Variants in DRAM1 observed in about 807,000 individuals in gnomAD.
The protein encoded by DRAM1 is DNA damage regulated autophagy modulator 1.
A neutral mutation model predicts 28.5 loss-of-function variants in DRAM1; 25 were observed. The observed-to-expected ratio is 0.88, with a 90% confidence interval of 0.64 to 1.23. The LOEUF (loss-of-function observed/expected upper bound fraction) is 1.23. Ranked by LOEUF, DRAM1 falls within the 50% of genes most tolerant of loss-of-function variation. The probability of loss-of-function intolerance (pLI) is 0.00; values close to 1 mark genes in which losing one functional copy is unlikely to be tolerated. For missense variants in DRAM1, 249 were observed against 299.2 expected, an observed-to-expected ratio of 0.83 and a Z score of 1.24; for synonymous variants, 113 against 114.2, an observed-to-expected ratio of 0.99 and a Z score of 0.07.
intron 1 of DRAM1, among the ~76,000 whole-genome samples, chr12:101,881,141 G>A (rs893678121): frequency 5.3e-5 from 8 of 152,166 alleles, no homozygotes; most frequent in African/African-American, 1.9e-4. Flanking sequence ...TTAGCTGAGC[G>A]TGGTGGCACA....
Position 101,922,504 on chromosome 12 carries a change from A to G in DRAM1, c.*1244A>G, listed in dbSNP as rs1874521069. ...GCCCATGTAGACAGCTTCGGAGGGC[A>G]TGGGGGTGTAGGGAGTTCGGGGTAG... On this transcript the variant is annotated 3_prime_UTR_variant, in exon 7 of 7. Transcript: ENST00000258534. 1 of 152,072 alleles carries G rather than the reference A, an allele frequency of 6.6e-6. No homozygotes were observed. Among genetic ancestry groups the G allele is most frequent in the Non-Finnish European group, 1.5e-5 (1 of 68,110 alleles). 9.4% of individuals were successfully genotyped at this position (152,072 alleles called of 1,614,324 possible). A position where few individuals can be genotyped will look rare whatever the true frequency, so the allele number is the denominator to read the frequency against.
chr12:101,889,219 C>T (rs1008119417), intron 1 of DRAM1, among the ~76,000 whole-genome samples: 8 of 152,078 alleles, frequency 5.3e-5, no homozygotes, highest in African/African-American at 1.9e-4. Flanking sequence ...ATAGCTGGCT[C>T]CAGAAGAAAT....
intron 1 of DRAM1, among the ~76,000 whole-genome samples, chr12:101,886,075 C>T (rs1184347804): frequency 6.6e-6 from 1 of 152,192 alleles, no homozygotes; most frequent in African/African-American, 2.4e-5. Context: ...ATTCTGCCAG[C>T]ACCTCATTGT....
chr12:101,899,681 C>CAAAA (rs55642593), intron 2 of DRAM1, among the ~76,000 whole-genome samples: 4 of 102,724 alleles, frequency 3.9e-5, no homozygotes, highest in Non-Finnish European at 4.1e-5. Flanking sequence ...CCTGTCTCCA[C>CAAAA]AAAAAAAAAA....
chr12:101,892,216 G>A (rs1873158717), intron 1 of DRAM1, among the ~76,000 whole-genome samples: 1 of 151,630 alleles, frequency 6.6e-6, no homozygotes, highest in African/African-American at 2.4e-5. Flanking sequence ...AGAGGTAAGA[G>A]CTATTTCATT....
At chr12:101,902,786 G>A (rs769694037) in intron 3 of DRAM1, among the ~76,000 whole-genome samples, 12 of 152,166 alleles carry the variant, frequency 7.9e-5, no homozygotes, top group African/African-American at 2.4e-4. Flanking sequence ...TCATTGTTCC[G>A]ATAACTGTAT....
At chr12:101,916,539 C>G (rs370490087) in intron 5 of DRAM1, among the ~76,000 whole-genome samples, 15 of 152,054 alleles carry the variant, frequency 9.9e-5, no homozygotes, top group African/African-American at 3.6e-4. Context: ...ACACATGGAA[C>G]CAAATGTTTG....
intron 2 of DRAM1, among the ~76,000 whole-genome samples, chr12:101,898,561 A>C (rs1873477236): frequency 6.6e-6 from 1 of 152,230 alleles, no homozygotes; most frequent in African/African-American, 2.4e-5. Context: ...TAAGCCAAAG[A>C]CACCCAATGC....
intron 4 of DRAM1, 90 bp from the exon 5 acceptor site, chr12:101,914,084 T>C (rs2121156539): frequency 3.9e-6 from 3 of 760,998 alleles, no homozygotes; most frequent in Non-Finnish European, 5.9e-6. Context: ...TAACACCTTA[T>C]AATGATTATG....
intron 2 of DRAM1, among the ~76,000 whole-genome samples, chr12:101,900,902 G>A (rs921902643): frequency 6.6e-6 from 1 of 152,148 alleles, no homozygotes; most frequent in Non-Finnish European, 1.5e-5. Context: ...GGAGAATGAG[G>A]AATAAATATA....
chr12:101,881,694 G>T (rs1040159432), intron 1 of DRAM1, among the ~76,000 whole-genome samples: 1 of 152,040 alleles, frequency 6.6e-6, no homozygotes, highest in Non-Finnish European at 1.5e-5. Flanking sequence ...TTACCTTCCT[G>T]CAGAGTTTTT....
At chr12:101,903,086 T>C (rs1310373990) in intron 3 of DRAM1, among the ~76,000 whole-genome samples, 1 of 152,032 alleles carries the variant, frequency 6.6e-6, no homozygotes, top group Non-Finnish European at 1.5e-5. Flanking sequence ...GTCCAGCTAA[T>C]TTTTGTATTT....
intron 2 of DRAM1, among the ~76,000 whole-genome samples, chr12:101,900,159 G>A (rs939190710): frequency 6.6e-6 from 1 of 152,124 alleles, no homozygotes; most frequent in Non-Finnish European, 1.5e-5. Context: ...TACAACAAAT[G>A]GTATTTGGTT....
chr12:101,900,313 AAC>A (rs1192025504), intron 2 of DRAM1, among the ~76,000 whole-genome samples: 3 of 152,248 alleles, frequency 2.0e-5, no homozygotes, highest in Non-Finnish European at 2.9e-5. Flanking sequence ...TTGGAATAGA[AAC>A]ACAAAACGCA....
chr12:101,889,516 A>AAGGG (rs1555281430), intron 1 of DRAM1, among the ~76,000 whole-genome samples: 2 of 98,826 alleles, frequency 2.0e-5, no homozygotes, highest in Non-Finnish European at 3.8e-5. Context: ...GGAAGGAAGG[A>AAGGG]AAGGAAGGAA....
At chr12:101,903,100 G>A (rs545253143) in intron 3 of DRAM1, among the ~76,000 whole-genome samples, 2 of 152,190 alleles carry the variant, frequency 1.3e-5, no homozygotes, top group East Asian at 3.9e-4. Context: ...TGTATTTTTA[G>A]TAGAGATAGG....
intron 5 of DRAM1, among the ~76,000 whole-genome samples, chr12:101,917,335 C>T (rs1277303468): frequency 6.6e-6 from 1 of 152,052 alleles, no homozygotes; most frequent in African/African-American, 2.4e-5. Flanking sequence ...TGGAAGCCTG[C>T]CAAGACAAGA....
chr12:101,879,063 C>T (rs767774896), intron 1 of DRAM1, among the ~76,000 whole-genome samples: 9 of 151,978 alleles, frequency 5.9e-5, no homozygotes, highest in African/African-American at 7.3e-5. Context: ...GACACAATCT[C>T]GGCTCACCGC....
intron 3 of DRAM1, among the ~76,000 whole-genome samples, chr12:101,905,294 T>C (rs903007880): frequency 2.0e-5 from 3 of 152,188 alleles, no homozygotes; most frequent in African/African-American, 4.8e-5. Flanking sequence ...TTTACCTTTA[T>C]TTTTTGAGAC....
Sources: gnomAD v4.1 joint callset for allele counts (sites outside exome capture counted in the v4.1 genomes callset) on GRCh38, gnomAD v4.1.1 for gene constraint, MANE v1.5 for transcripts, NCBI Gene and HGNC (gene_info 2026-07-23, HGNC 2026-07-21) for gene names.